The following IMMP2L variants were observed in gnomAD, a reference collection of about 807,000 sequenced individuals.
The protein encoded by IMMP2L is mitochondrial inner membrane protease subunit 2.
A neutral mutation model predicts 19.3 loss-of-function variants in IMMP2L; 18 were observed. That is an observed-to-expected ratio of 0.93 (90% CI 0.64 to 1.38). The LOEUF is 1.38. IMMP2L is among the 40% of genes most tolerant of loss of function. IMMP2L has a pLI of 0.00. For missense variants in IMMP2L, 233 were observed against 218.2 expected (o/e 1.07, Z -0.43); for synonymous variants, 76 against 73.0 (o/e 1.04, Z -0.21).
At chr7:111,281,140 CAGAAAGACAGAAAGACAGAA>C (rs1448763329) in intron 3 of IMMP2L, among the ~76,000 whole-genome samples, 1,378 of 60,580 alleles carry the variant, frequency 0.023, 16 homozygotes, top group Middle Eastern at 0.036. Context: ...GAGAGAAAGA[CAGAAAGACAGAAAGACAGAA>C]AGAAAGAAAG....
At chr7:110,826,736 A>G (rs1803533863) in intron 5 of IMMP2L, among the ~76,000 whole-genome samples, 1 of 152,118 alleles carries the variant, frequency 6.6e-6, no homozygotes, top group Middle Eastern at 3.2e-3. Flanking sequence ...TACCTAATGT[A>G]AATGACGACT....
rs1829940254 is a variant in IMMP2L at position 111,368,034 on chromosome 7, A to G, written c.239+119204T>C. ...AAGTAATTAAGATGCCACCAGAGAC[A>G]AAAGGATAGAAAAACTTTTAAAATA... On this transcript the variant is annotated intron_variant, in intron 3 of 5. Coordinates refer to ENST00000405709, the MANE Select transcript of IMMP2L (RefSeq NM_032549.4). 2.6e-5 allele frequency among the ~76,000 whole-genome samples: 4 copies of G among 151,884 alleles called. No homozygotes were observed. In the South Asian group the frequency reaches 8.3e-4, roughly 32 times the overall value.
intron 4 of IMMP2L, among the ~76,000 whole-genome samples, chr7:110,923,039 C>T (rs1262540105): frequency 6.6e-6 from 1 of 152,080 alleles, no homozygotes; most frequent in Admixed American, 6.6e-5. Flanking sequence ...CTGTGGTGAT[C>T]GTGCCTATGG....
intron 5 of IMMP2L, among the ~76,000 whole-genome samples, chr7:110,752,438 C>CT (rs1255282408): frequency 1.3e-5 from 2 of 152,028 alleles, no homozygotes; most frequent in Non-Finnish European, 1.5e-5. Flanking sequence ...ACCAACTTTT[C>CT]TATTTATATA....
chr7:110,962,640 G>T, intron 4 of IMMP2L: 1 of 719,786 alleles, frequency 1.4e-6, no homozygotes, highest in Non-Finnish European at 1.7e-6. Flanking sequence ...TAATCTCATA[G>T]GCCCCCAGTG....
Position 111,143,330 on chromosome 7 carries a change from C to T in IMMP2L, c.240-179765G>A, listed in dbSNP as rs1003995672. ...TCCTACCCCCAACCCCCAACCTCTG[C>T]GCCAGGCTAAATAAGCGAGGTAAAC... On this transcript the variant is annotated intron_variant, in intron 3 of 5. Coordinates refer to ENST00000405709, the MANE Select transcript of IMMP2L (RefSeq NM_032549.4). Among the ~76,000 whole-genome samples, 8 of 152,096 alleles carry T rather than the reference C, an allele frequency of 5.3e-5. 1 individual carries two copies. In the South Asian group the frequency reaches 6.2e-4, roughly 12 times the overall value.
chr7:110,742,026 C>T (rs1169508518), intron 5 of IMMP2L, among the ~76,000 whole-genome samples: 1 of 152,176 alleles, frequency 6.6e-6, no homozygotes, highest in Non-Finnish European at 1.5e-5. Flanking sequence ...GGTTACTACT[C>T]AGAAAGCTGG....
chr7:110,764,151 C>A (rs908146909), intron 5 of IMMP2L, among the ~76,000 whole-genome samples: 21 of 152,046 alleles, frequency 1.4e-4, no homozygotes, highest in Middle Eastern at 3.2e-3. Context: ...TAACTACCTG[C>A]CAACATTGAA....
At chr7:111,367,249 A>G (rs1277198847) in intron 3 of IMMP2L, among the ~76,000 whole-genome samples, 1 of 151,962 alleles carries the variant, frequency 6.6e-6, no homozygotes, top group Non-Finnish European at 1.5e-5. Flanking sequence ...GAAAAAAATA[A>G]TGTTCTGTAA....
At chr7:111,034,377 TA>T (rs1369004499) in intron 3 of IMMP2L, among the ~76,000 whole-genome samples, 8 of 152,114 alleles carry the variant, frequency 5.3e-5, no homozygotes, top group Non-Finnish European at 1.5e-5. Flanking sequence ...TTTATAGGCA[TA>T]GGGGAAAGGC....
chr7:111,322,011 A>T (rs1006311925), intron 3 of IMMP2L, among the ~76,000 whole-genome samples: 5 of 151,914 alleles, frequency 3.3e-5, no homozygotes, highest in African/African-American at 1.2e-4. Flanking sequence ...CTATTTTAAA[A>T]CCCTGTGTAT....
At chr7:110,901,163 T>G (rs1039712103) in intron 4 of IMMP2L, among the ~76,000 whole-genome samples, 3 of 152,138 alleles carry the variant, frequency 2.0e-5, no homozygotes, top group African/African-American at 4.8e-5. Context: ...TCACTACTCC[T>G]GGGTTTATAA....
chr7:111,005,618 T>C (rs1824205715), intron 3 of IMMP2L, among the ~76,000 whole-genome samples: 1 of 152,214 alleles, frequency 6.6e-6, no homozygotes, highest in South Asian at 2.1e-4. Flanking sequence ...ACTTACTGTG[T>C]TCCTGTAAGG....
intron 3 of IMMP2L, among the ~76,000 whole-genome samples, chr7:111,465,501 TAAAAAAA>T (rs757362734): frequency 1.2e-4 from 8 of 64,288 alleles, no homozygotes; most frequent in South Asian, 5.9e-4. Flanking sequence ...CAGGTGTCAC[TAAAAAAA>T]AAAAAAAAAA....
At chr7:110,764,328 T>C (rs1053507474) in intron 5 of IMMP2L, among the ~76,000 whole-genome samples, 3 of 152,104 alleles carry the variant, frequency 2.0e-5, no homozygotes, top group African/African-American at 7.2e-5. Flanking sequence ...TATGGCACAT[T>C]AACAATAAAC....
intron 5 of IMMP2L, among the ~76,000 whole-genome samples, chr7:110,680,354 G>A (rs74447924): frequency 0.02 from 2,971 of 152,236 alleles, 98 homozygotes; most frequent in African/African-American, 0.068. Context: ...AGCTAGATGA[G>A]TGATCCACTC....
At chr7:110,839,761 TAATC>T (rs1804876929) in intron 5 of IMMP2L, among the ~76,000 whole-genome samples, 2 of 152,176 alleles carry the variant, frequency 1.3e-5, no homozygotes, top group Admixed American at 6.6e-5. Context: ...CTATTCATAT[TAATC>T]AATTAAATAA....
intron 3 of IMMP2L, among the ~76,000 whole-genome samples, chr7:111,325,302 C>A (rs1411421118): frequency 1.3e-5 from 2 of 151,484 alleles, no homozygotes; most frequent in South Asian, 2.1e-4. Flanking sequence ...AAAATGAGAA[C>A]CTTTTAAAGA....
intron 3 of IMMP2L, among the ~76,000 whole-genome samples, chr7:111,480,155 C>T (rs1842055158): frequency 6.6e-6 from 1 of 150,906 alleles, no homozygotes; most frequent in Non-Finnish European, 1.5e-5. Context: ...GCAATCTCGG[C>T]TCACTGCAAG....
Sources: allele counts gnomAD v4.1 joint callset (sites outside exome capture counted in the v4.1 genomes callset), GRCh38; gene constraint gnomAD v4.1.1; transcripts MANE v1.5; gene names NCBI Gene and HGNC (gene_info 2026-07-23, HGNC 2026-07-21).